The following HEMGN variants were observed in gnomAD, a reference collection of about 807,000 sequenced individuals.
HEMGN encodes erythroid differentiation-associated gene protein.
In HEMGN, 32 loss-of-function variants were observed where a neutral mutation model predicts 45.7. The observed-to-expected ratio is 0.70, with a 90% CI of 0.53 to 0.94. HEMGN has a LOEUF of 0.94. Among genes scored for constraint, HEMGN ranks in the 40% least tolerant of loss-of-function variants. The probability of loss-of-function intolerance (pLI) is 0.00; values close to 1 mark genes in which losing one functional copy is unlikely to be tolerated. For synonymous variants in HEMGN, 183 were observed against 178.6 expected (o/e 1.02, Z -0.20); for missense variants, 530 against 564.2 (o/e 0.94, Z 0.61).
At chr9:97,940,040 T>C (rs947277646), upstream of HEMGN, among the ~76,000 whole-genome samples, 1 of 152,226 alleles carries the variant, frequency 6.6e-6, no homozygotes, top group Non-Finnish European at 1.5e-5. Flanking sequence ...TTAATTCTTA[T>C]TAGTTAGGTT....
At chr9:97,944,625 GT>G (rs1318882842) in intron 1 of HEMGN, 1 of 152,176 alleles carries the variant, frequency 6.6e-6, no homozygotes, top group Non-Finnish European at 1.5e-5. Flanking sequence ...TCACTTCCAT[GT>G]TTAGAATCCT....
At chr9:97,942,616 T>C (rs977329968), upstream of HEMGN, among the ~76,000 whole-genome samples, 5 of 151,998 alleles carry the variant, frequency 3.3e-5, no homozygotes, top group East Asian at 5.8e-4. Flanking sequence ...ACAAACTAGG[T>C]ATTGAGGGAG....
intron 2 of HEMGN, among the ~76,000 whole-genome samples, chr9:97,931,819 T>C (rs1256360055): frequency 6.6e-6 from 1 of 152,202 alleles, no homozygotes; most frequent in African/African-American, 2.4e-5. Flanking sequence ...AAGCACTTCT[T>C]GAAGTTAAGA....
chr9:97,932,506 T>C (rs1826973292), intron 2 of HEMGN, among the ~76,000 whole-genome samples: 1 of 152,096 alleles, frequency 6.6e-6, no homozygotes. Flanking sequence ...GAAAATTATA[T>C]TTAAAAAAGG....
chr9:97,929,972 GA>G (rs1404928224), intron 3 of HEMGN, 62 bp downstream of exon 3: 2 of 1,208,430 alleles, frequency 1.7e-6, no homozygotes, highest in Non-Finnish European at 2.4e-6. Flanking sequence ...GATTGTCAGA[GA>G]AAGTTGTAAA....
intron 3 of HEMGN, among the ~76,000 whole-genome samples, chr9:97,927,697 T>C (rs749994244): frequency 2.6e-5 from 4 of 152,070 alleles, no homozygotes; most frequent in Non-Finnish European, 5.9e-5. Flanking sequence ...AGGAAAAGAC[T>C]AGCAAGTTCG....
intron 3 of HEMGN, among the ~76,000 whole-genome samples, chr9:97,927,752 CA>C (rs1826856311): frequency 1.3e-5 from 2 of 151,814 alleles, no homozygotes; most frequent in South Asian, 4.2e-4. Flanking sequence ...CCACTATAAA[CA>C]AAGTTAAACC....
At chr9:97,943,310 T>C (rs1035459727) in intron 1 of HEMGN, among the ~76,000 whole-genome samples, 7 of 152,222 alleles carry the variant, frequency 4.6e-5, no homozygotes, top group Admixed American at 6.5e-5. Context: ...AATGGACACT[T>C]GTTTTTCTTA....
At chr9:97,939,488 C>A (rs75474460), upstream of HEMGN, among the ~76,000 whole-genome samples, 481 of 152,238 alleles carry the variant, frequency 3.2e-3, 1 homozygote, top group African/African-American at 0.011. Context: ...AGTCTTAAGG[C>A]ATTAGAACTG....
chr9:97,930,849 T>C lies in HEMGN; in HGVS notation c.546A>G (p.Val182=). 1 of 1,614,170 alleles carries C rather than the reference T, an allele frequency of 6.2e-7. No homozygotes were observed. The highest frequency in any genetic ancestry group is 8.5e-7 in the Non-Finnish European group (1 of 1,179,990). ...ATATTTTGGAAGAATTGTCTTGAAG[T>C]ACAGATATTTCTTGGTACATTTTAG... The part of the protein sequence containing the change: ...LSPKMYQEIS[V]LQDNSSKICQ... The change falls in exon 3 of 4, where the codon GTA becomes GTG. Residue 182 remains valine, a synonymous_variant. Transcript: ENST00000616898.
rs750240939 is a variant in HEMGN at position 97,930,659 on chromosome 9, T to C, written c.736A>G (p.Thr246Ala). 4 of 1,614,216 alleles carry C rather than the reference T, an allele frequency of 2.5e-6. No individual in the cohort carries two copies. In the Admixed American group the frequency reaches 5.0e-5, roughly 20 times the overall value. ...AAVPKILPCP[T>A]SEDTADLAGC... ...GCCAGATCAGCTGTGTCTTCAGATGTTGGACAAGGAAGGATTTTGGGTACA... is the reference window on the plus strand; with the variant it reads ...GCCAGATCAGCTGTGTCTTCAGATGCTGGACAAGGAAGGATTTTGGGTACA... Residue 246 changes from threonine (T) to alanine (A), a missense_variant, in exon 3 of 4, where the codon ACA becomes GCA. By Grantham distance (58) the Thr-to-Ala change is moderately conservative. Coordinates refer to ENST00000616898, the MANE Select transcript of HEMGN (RefSeq NM_197978.3).
At chr9:97,931,269 A>G (rs754376082) in intron 2 of HEMGN, 48 bp from the exon 3 acceptor site, 17 of 1,423,360 alleles carry the variant, frequency 1.2e-5, no homozygotes, top group Non-Finnish European at 1.5e-5. Flanking sequence ...ACAGAATTCA[A>G]ATAAATGCTT....
intron 2 of HEMGN, among the ~76,000 whole-genome samples, chr9:97,934,941 C>T (rs1042381309): frequency 2.4e-4 from 36 of 152,230 alleles, no homozygotes; most frequent in African/African-American, 7.5e-4. Flanking sequence ...AAGTTGGGCA[C>T]AGGAGGGAAG....
chr9:97,942,793 G>A (rs1199708420), upstream of HEMGN, among the ~76,000 whole-genome samples: 1 of 152,124 alleles, frequency 6.6e-6, no homozygotes, highest in Admixed American at 6.5e-5. Flanking sequence ...AGGGAGCACA[G>A]GAAAAAATAG....
Position 97,938,073 on chromosome 9 carries a change from C to T in HEMGN, c.64G>A (p.Glu22Lys), listed in dbSNP as rs1320188105. ...HHQTPDPHQEENHSPEVIGTW... is the reference protein window; with the variant it reads ...HHQTPDPHQEKNHSPEVIGTW... The stretch of plus-strand genomic sequence containing the variant: ...TTTTCATTACCTGGAGAATGGTTCT[C>T]TTCTTGATGAGGGTCAGGTGTCTGA... The change falls in exon 1 of 4, where the codon GAG (glutamate) becomes AAG (lysine). Residue 22 changes from glutamate (E) to lysine (K), a missense_variant. By Grantham distance (56) the Glu-to-Lys change is moderately conservative (BLOSUM62 1). Transcript: ENST00000616898. 11 of 1,609,720 alleles carry T rather than the reference C, an allele frequency of 6.8e-6. No homozygotes were observed. The highest frequency in any genetic ancestry group is 6.7e-5 in the East Asian group (3 of 44,808).
At chr9:97,939,050 T>G (rs1330682414), upstream of HEMGN, among the ~76,000 whole-genome samples, 1 of 152,142 alleles carries the variant, frequency 6.6e-6, no homozygotes, top group Non-Finnish European at 1.5e-5. Context: ...ATGGTTCAAC[T>G]AAAGAAGAAA....
chr9:97,930,232 G>A lies in HEMGN; in HGVS notation c.1163C>T (p.Thr388Ile), dbSNP rs201229826. ...AGGTGAATATTCTTCAAGCTGGGAT[G>A]TTTCTTGGTATATTTCAGGTGAATA... is the stretch of plus-strand genomic sequence containing the variant. ...EEYSPEIYQE[T>I]SQLEEYSPEI... Residue 388 changes from threonine (T) to isoleucine (I), a missense_variant, in exon 3 of 4, where the codon ACA (threonine) becomes ATA (isoleucine). Physicochemically the swap from Thr to Ile is moderately conservative, Grantham distance 89 (BLOSUM62 -1). Coordinates refer to ENST00000616898, the MANE Select transcript of HEMGN (RefSeq NM_197978.3). 2.5e-6 allele frequency: 4 copies of A among 1,614,056 alleles called. No homozygotes were observed. The highest frequency in any genetic ancestry group is 2.2e-5 in the East Asian group (1 of 44,876).
chr9:97,939,476 G>C (rs1366353797), upstream of HEMGN, among the ~76,000 whole-genome samples: 1 of 152,152 alleles, frequency 6.6e-6, no homozygotes, highest in African/African-American at 2.4e-5. Context: ...CTACTTCCAT[G>C]GAGTCTTAAG....
chr9:97,939,543 G>A (rs1827120926), upstream of HEMGN, among the ~76,000 whole-genome samples: 1 of 152,160 alleles, frequency 6.6e-6, no homozygotes, highest in Non-Finnish European at 1.5e-5. Flanking sequence ...TGTATACAAA[G>A]AAACTGAGAA....
Sources: gnomAD v4.1 joint callset for allele counts (sites outside exome capture counted in the v4.1 genomes callset) on GRCh38, gnomAD v4.1.1 for gene constraint, MANE v1.5 for transcripts, NCBI Gene and HGNC (gene_info 2026-07-23, HGNC 2026-07-21) for gene names.